Variants in EBF1 observed in about 807,000 individuals in gnomAD.
The protein encoded by EBF1 is transcription factor COE1.
In EBF1, 10 loss-of-function variants were observed where a neutral mutation model predicts 68.4. The observed-to-expected ratio is 0.15, with a 90% CI of 0.09 to 0.25. EBF1 has a LOEUF of 0.25. EBF1 is among the 10% of genes least tolerant of loss of function. The pLI, the probability that EBF1 is intolerant of heterozygous loss-of-function variation, is 1.00. For synonymous variants in EBF1, 298 were observed against 299.8 expected (o/e 0.99, Z 0.06); for missense variants, 509 against 794.4 (o/e 0.64, Z 4.32).
chr5:158,761,655 C>T (rs1309307526), intron 10 of EBF1, among the ~76,000 whole-genome samples: 2 of 152,064 alleles, frequency 1.3e-5, no homozygotes, highest in Non-Finnish European at 2.9e-5. Context: ...ATTTGAAGGG[C>T]AGGAGGACAA....
At chr5:158,778,204 G>T (rs1446609040) in intron 9 of EBF1, among the ~76,000 whole-genome samples, 1 of 152,126 alleles carries the variant, frequency 6.6e-6, no homozygotes, top group Non-Finnish European at 1.5e-5. Context: ...CAATGAGAAA[G>T]TTCATTTCTG....
intron 6 of EBF1, among the ~76,000 whole-genome samples, chr5:158,880,726 A>C (rs1798756109): frequency 6.6e-6 from 1 of 152,220 alleles, no homozygotes; most frequent in African/African-American, 2.4e-5. Context: ...TCAGTTGTGC[A>C]CATTTTTCTA....
chr5:158,928,357 C>G (rs1428172909), intron 6 of EBF1, among the ~76,000 whole-genome samples: 1 of 151,930 alleles, frequency 6.6e-6, no homozygotes, highest in East Asian at 1.9e-4. Flanking sequence ...AATATATTAT[C>G]AAAAAAACAG....
Position 158,931,307 on chromosome 5 carries a change from GC to G in EBF1, c.555-91198del, listed in dbSNP as rs369758826. ...TCCACACTTATTTACTGACTACCCA[GC>G]CACAGATCAGGAAAAAGCAGGTGTT... is the stretch of plus-strand genomic sequence containing the variant. On this transcript the variant is annotated intron_variant, in intron 6 of 15. Coordinates refer to ENST00000313708, the MANE Select transcript of EBF1 (RefSeq NM_024007.5). 1.1e-4 allele frequency among the ~76,000 whole-genome samples: 17 copies of G among 152,280 alleles called. No individual in the cohort carries two copies. The East Asian group carries it at 3.1e-3, about 28-fold the overall frequency.
At chr5:159,024,337 G>A (rs982988228) in intron 6 of EBF1, among the ~76,000 whole-genome samples, 2 of 152,182 alleles carry the variant, frequency 1.3e-5, no homozygotes, top group Non-Finnish European at 2.9e-5. Flanking sequence ...ATAGGCTGAT[G>A]CTTAGTCAAC....
At chr5:158,815,783 A>T (rs1396677119) in intron 8 of EBF1, among the ~76,000 whole-genome samples, 2 of 152,178 alleles carry the variant, frequency 1.3e-5, no homozygotes, top group African/African-American at 4.8e-5. Context: ...TACTCAGGGA[A>T]TACACTGGAA....
intron 10 of EBF1, among the ~76,000 whole-genome samples, chr5:158,742,202 T>C (rs144946605): frequency 6.6e-6 from 1 of 152,336 alleles, no homozygotes; most frequent in Non-Finnish European, 1.5e-5. Context: ...ATCTACAATC[T>C]GTTTTAGTCC....
intron 8 of EBF1, among the ~76,000 whole-genome samples, chr5:158,818,248 C>G (rs1303154838): frequency 2.6e-5 from 4 of 152,164 alleles, no homozygotes; most frequent in Admixed American, 2.0e-4. Context: ...TCTCCAAGCT[C>G]AAACCATCTT....
chr5:158,885,959 C>A (rs1207977711), intron 6 of EBF1, among the ~76,000 whole-genome samples: 2 of 152,172 alleles, frequency 1.3e-5, no homozygotes, highest in African/African-American at 2.4e-5. Flanking sequence ...CTACAACTTC[C>A]CCCAAGTCTC....
intron 6 of EBF1, among the ~76,000 whole-genome samples, chr5:158,947,682 C>T (rs1815083998): frequency 1.3e-5 from 2 of 152,190 alleles, no homozygotes; most frequent in African/African-American, 4.8e-5. Flanking sequence ...CTAATCTATG[C>T]CATGACAATC....
intron 6 of EBF1, among the ~76,000 whole-genome samples, chr5:159,007,554 G>A (rs913138586): frequency 5.3e-5 from 8 of 152,120 alleles, no homozygotes; most frequent in Admixed American, 6.5e-5. Context: ...AATTTGGTTC[G>A]CTCTGGTTGG....
At chr5:159,053,862 C>A (rs1308120257) in intron 6 of EBF1, among the ~76,000 whole-genome samples, 1 of 152,194 alleles carries the variant, frequency 6.6e-6, no homozygotes, top group Non-Finnish European at 1.5e-5. Context: ...TATATTTGCT[C>A]CTAAGGGCCC....
chr5:159,001,413 T>C (rs990215359), intron 6 of EBF1, among the ~76,000 whole-genome samples: 3 of 152,188 alleles, frequency 2.0e-5, no homozygotes, highest in African/African-American at 7.2e-5. Flanking sequence ...TGGTCTAGCA[T>C]TGAAGAGACT....
intron 11 of EBF1, among the ~76,000 whole-genome samples, chr5:158,724,656 G>T (rs143301149): frequency 6.6e-6 from 1 of 152,138 alleles, no homozygotes; most frequent in African/African-American, 2.4e-5. Context: ...TTTAGGTCTC[G>T]TCTCTCCACT....
chr5:158,913,296 T>C (rs1326788834), intron 6 of EBF1, among the ~76,000 whole-genome samples: 1 of 152,232 alleles, frequency 6.6e-6, no homozygotes, highest in African/African-American at 2.4e-5. Flanking sequence ...AAACTTGCAT[T>C]GAAAATTAAC....
intron 5 of EBF1, among the ~76,000 whole-genome samples, chr5:159,078,483 CT>C (rs1485361496): frequency 1.3e-5 from 2 of 152,216 alleles, no homozygotes; most frequent in East Asian, 3.8e-4. Context: ...TACTGTGTGA[CT>C]GATGGACCTT....
At chr5:158,924,971 C>A (rs1809338628) in intron 6 of EBF1, among the ~76,000 whole-genome samples, 1 of 151,966 alleles carries the variant, frequency 6.6e-6, no homozygotes, top group Admixed American at 6.6e-5. Flanking sequence ...CAATCTCTAG[C>A]ATGGCCCCAC....
At chr5:158,712,612 C>T (rs892520125) in intron 13 of EBF1, among the ~76,000 whole-genome samples, 3 of 152,098 alleles carry the variant, frequency 2.0e-5, no homozygotes, top group Non-Finnish European at 4.4e-5. Context: ...AGAAATAAAT[C>T]CCGATCTAAG....
At chr5:158,864,887 C>T (rs962791178) in intron 6 of EBF1, among the ~76,000 whole-genome samples, 7 of 152,168 alleles carry the variant, frequency 4.6e-5, no homozygotes, top group Admixed American at 2.0e-4. Flanking sequence ...CAGGATCATT[C>T]TATCTCTAAC....
Sources: allele counts gnomAD v4.1 joint callset (sites outside exome capture counted in the v4.1 genomes callset), GRCh38; gene constraint gnomAD v4.1.1; transcripts MANE v1.5; gene names NCBI Gene and HGNC (gene_info 2026-07-23, HGNC 2026-07-21).